Variants in SLTM observed in about 807,000 individuals in gnomAD.
SLTM encodes the protein SAFB like transcription modulator.
A neutral mutation model predicts 134.6 loss-of-function variants in SLTM; 43 were observed. That is an observed-to-expected ratio of 0.32 (90% CI 0.25 to 0.41). SLTM has a LOEUF of 0.41. Ranked by LOEUF, SLTM falls within the 10% of genes least tolerant of loss-of-function variation. The pLI is 1.00. For synonymous variants in SLTM, 424 were observed against 432.3 expected, an observed-to-expected ratio of 0.98 and a Z score of 0.24; for missense variants, 1,055 against 1,288.8, an observed-to-expected ratio of 0.82 and a Z score of 2.78.
At chr15:58,928,976 T>G (rs1203677612) in intron 2 of SLTM, among the ~76,000 whole-genome samples, 1 of 152,200 alleles carries the variant, frequency 6.6e-6, no homozygotes, top group Non-Finnish European at 1.5e-5. Context: ...CATTTTTGTC[T>G]ATATAATTAT....
chr15:58,933,643 TCGGCGGCCGC>T lies in SLTM; in HGVS notation c.-88_-79del, dbSNP rs1366868887. On this transcript the variant is annotated 5_prime_UTR_variant, in exon 1 of 21. Coordinates refer to ENST00000380516, the MANE Select transcript of SLTM (RefSeq NM_024755.4). ...AGCAGCGCCAACTTCCACCCAGGCCTCGGCGGCCGCCGGCGCCGCGCAGCGCTGCGCACAA... is the reference window on the plus strand; with the variant it reads ...AGCAGCGCCAACTTCCACCCAGGCCTCGGCGCCGCGCAGCGCTGCGCACAA... 2.2e-6 allele frequency: 3 copies of T among 1,381,920 alleles called. No individual in the cohort carries two copies. In the African/African-American group the frequency reaches 4.6e-5, roughly 21 times the overall value. 85.6% of individuals were successfully genotyped at this position (1,381,920 alleles called of 1,614,324 possible). A position where few individuals can be genotyped will look rare whatever the true frequency, so the allele number is the denominator to read the frequency against.
chr15:58,927,833 C>T (rs1185564120), intron 2 of SLTM, among the ~76,000 whole-genome samples: 1 of 152,182 alleles, frequency 6.6e-6, no homozygotes, highest in African/African-American at 2.4e-5. Context: ...GAACATACTA[C>T]AGCTGGAGGA....
Position 58,899,850 on chromosome 15 carries a change from T to G in SLTM, c.677A>C (p.His226Pro). Residue 226 changes from histidine (H) to proline (P), a missense_variant, in exon 7 of 21, where the codon CAT becomes CCT. Around this residue, in one of 3 missense-constraint regions of SLTM, gnomAD observed 268 missense variants for 284.3 expected, o/e 0.94. Coordinates refer to ENST00000380516, the MANE Select transcript of SLTM (RefSeq NM_024755.4). The surrounding 1 kb of genome is among the most constrained non-coding windows in gnomAD (Gnocchi z 5.0). ...AGTCGTATGAGCTTCCATCTCTTCA[T>G]GAGCTGTGTGATCAGCCTCAGCTAG... is the stretch of plus-strand genomic sequence containing the variant. The part of the protein sequence containing the change: ...GSLAEADHTA[H>P]EEMEAHTTVK... 1 of 1,614,174 alleles carries G rather than the reference T, an allele frequency of 6.2e-7. No individual in the cohort carries two copies. Among genetic ancestry groups the G allele is most frequent in the Non-Finnish European group, 8.5e-7 (1 of 1,180,014 alleles).
At chr15:58,911,309 A>C (rs1193778327) in intron 5 of SLTM, among the ~76,000 whole-genome samples, 1 of 152,212 alleles carries the variant, frequency 6.6e-6, no homozygotes, top group African/African-American at 2.4e-5. Flanking sequence ...TAAGTAGTCC[A>C]CAAACACAAG....
At chr15:58,932,832 AAACCAG>A (rs2037974117) in intron 1 of SLTM, among the ~76,000 whole-genome samples, 1 of 152,228 alleles carries the variant, frequency 6.6e-6, no homozygotes, top group Non-Finnish European at 1.5e-5. Context: ...ACGCTCACTC[AAACCAG>A]AAAGCTAATC....
intron 20 of SLTM, among the ~76,000 whole-genome samples, chr15:58,880,907 G>A (rs2140913232): frequency 6.6e-6 from 1 of 152,198 alleles, no homozygotes; most frequent in East Asian, 1.9e-4. Flanking sequence ...TCTGTTGTTT[G>A]CTAAAGCTTG....
At chr15:58,918,937 A>C (rs1388114896) in intron 2 of SLTM, among the ~76,000 whole-genome samples, 1 of 151,534 alleles carries the variant, frequency 6.6e-6, no homozygotes, top group African/African-American at 2.4e-5. Flanking sequence ...TTCCTGAGAC[A>C]AGAGTCTTGC....
At chr15:58,903,136 G>A (rs1470839329) in intron 5 of SLTM, among the ~76,000 whole-genome samples, 1 of 151,878 alleles carries the variant, frequency 6.6e-6, no homozygotes, top group African/African-American at 2.4e-5. Flanking sequence ...TCCTGACCTC[G>A]TGATCCACCC....
In SLTM at chr15:58,892,356, C is replaced by T. The variant is rs973105528; in HGVS notation, c.1898+541G>A. Among the ~76,000 whole-genome samples, 6 of 152,204 alleles carry T rather than the reference C, an allele frequency of 3.9e-5. No individual in the cohort carries two copies. The South Asian group carries it at 6.2e-4, about 16-fold the overall frequency. ...AGAATGCTTGCTTTGGGATATAATC[C>T]GAATACCATTAGGCTCACAGGGCAA... On this transcript the variant is annotated intron_variant, in intron 14 of 20. Coordinates refer to ENST00000380516, the MANE Select transcript of SLTM (RefSeq NM_024755.4).
intron 2 of SLTM, among the ~76,000 whole-genome samples, chr15:58,921,857 C>T (rs1242446205): frequency 6.6e-6 from 1 of 152,000 alleles, no homozygotes; most frequent in Non-Finnish European, 1.5e-5. Flanking sequence ...CTCACTGCAA[C>T]CTCCGCCTCC....
At chr15:58,904,355 G>T (rs1314840735) in intron 5 of SLTM, among the ~76,000 whole-genome samples, 1 of 152,036 alleles carries the variant, frequency 6.6e-6, no homozygotes, top group Non-Finnish European at 1.5e-5. Context: ...ATGATATTTG[G>T]ACTAAGTTAA....
At chr15:58,916,669 C>G (rs983575544) in intron 3 of SLTM, 1 of 277,218 alleles carries the variant, frequency 3.6e-6, no homozygotes, top group Non-Finnish European at 6.8e-6. Context: ...GTAGCTATTC[C>G]CCTGGCCAGC....
intron 9 of SLTM, 92 bp from the exon 10 acceptor site, chr15:58,894,674 T>C: frequency 8.3e-7 from 1 of 1,204,928 alleles, no homozygotes; most frequent in East Asian, 2.4e-5. Flanking sequence ...AAACTATATA[T>C]TAATTCAGGG....
At chr15:58,890,229 CAG>C (rs1249624875) in intron 15 of SLTM, 50 bp downstream of exon 15, 4 of 1,595,118 alleles carry the variant, frequency 2.5e-6, no homozygotes, top group African/African-American at 1.4e-5. Context: ...GCTAAAATCA[CAG>C]AGTCTGAAAA....
chr15:58,893,841 C>CT lies in SLTM; in HGVS notation c.1627dup (p.Ser543LysfsTer2). ...CATACTTATTCGCTTCTTTTCTTCACTTTTTTTAATCGATTCTGATGTTTG... is the reference window on the plus strand; with the variant it reads ...CATACTTATTCGCTTCTTTTCTTCACTTTTTTTTAATCGATTCTGATGTTTG... On this transcript the variant is annotated frameshift_variant, in exon 12 of 21. Transcript: ENST00000380516. LOFTEE classifies it high-confidence loss of function. 6.2e-7 allele frequency: 1 copy of CT among 1,609,576 alleles called. No homozygotes were observed. Among genetic ancestry groups the CT allele is most frequent in the Non-Finnish European group, 8.5e-7 (1 of 1,179,026 alleles).
chr15:58,887,003 A>G lies in SLTM; in HGVS notation c.2807T>C (p.Val936Ala). The change falls in exon 19 of 21, where the codon GTC becomes GCC. Residue 936 changes from valine (V) to alanine (A), a missense_variant. By Grantham distance (64) the Val-to-Ala change is moderately conservative. This residue lies in a region of SLTM where 776 missense variants were observed against 962.2 expected (regional missense o/e 0.81). Transcript: ENST00000380516. ...GYGSREGDRGVITDRGGGSQH... is the reference protein window; with the variant it reads ...GYGSREGDRGAITDRGGGSQH... ...TGATCCACCTCCTCGGTCTGTGATGACTCCTCTGTCTCCCTCTCTGCTCCC... is the reference window on the plus strand; with the variant it reads ...TGATCCACCTCCTCGGTCTGTGATGGCTCCTCTGTCTCCCTCTCTGCTCCC... The G allele has an allele frequency of 6.2e-7, 1 of 1,612,166 alleles. No homozygotes were observed. Among genetic ancestry groups the G allele is most frequent in the Non-Finnish European group, 8.5e-7 (1 of 1,179,878 alleles).
intron 3 of SLTM, among the ~76,000 whole-genome samples, chr15:58,915,306 C>G (rs1401720146): frequency 2.6e-5 from 4 of 152,190 alleles, no homozygotes; most frequent in African/African-American, 9.7e-5. Flanking sequence ...CTTTGTGGCA[C>G]ATATAAGAGA....
intron 20 of SLTM, among the ~76,000 whole-genome samples, chr15:58,881,061 G>A (rs2033660931): frequency 1.3e-5 from 2 of 152,086 alleles, no homozygotes; most frequent in African/African-American, 4.8e-5. Context: ...GCTCACGCCT[G>A]TAATCCCAGC....
intron 4 of SLTM, 72 bp downstream of exon 4, chr15:58,913,427 A>G (rs1411209877): frequency 1.0e-5 from 13 of 1,270,306 alleles, no homozygotes; most frequent in Non-Finnish European, 1.3e-5. Context: ...AAATTGAACT[A>G]GAAAAAAATA....
Sources: allele counts gnomAD v4.1 joint callset (sites outside exome capture counted in the v4.1 genomes callset), GRCh38; gene constraint gnomAD v4.1.1; regional missense constraint gnomAD v4.1.1; non-coding constraint Gnocchi (gnomAD v3.1); transcripts MANE v1.5; gene names NCBI Gene and HGNC (gene_info 2026-07-23, HGNC 2026-07-21).